Variants in CSTPP1 observed in about 807,000 individuals in gnomAD.
The protein encoded by CSTPP1 is centriolar satellite-associated tubulin polyglutamylase complex regulator 1, also known as UPF0705 protein C11orf49.
chr11:47,162,965 A>C, the CSTPP1 span, among the ~76,000 whole-genome samples: 1 of 152,216 alleles, frequency 6.6e-6, no homozygotes, highest in African/African-American at 2.4e-5. Context: ...CAACTGCTTG[A>C]GCCCAGGAGT....
the CSTPP1 span, among the ~76,000 whole-genome samples, chr11:47,063,556 A>G: frequency 6.6e-6 from 1 of 152,216 alleles, no homozygotes; most frequent in Non-Finnish European, 1.5e-5. Flanking sequence ...TTCTAGATAC[A>G]TCAGATAAGT....
the CSTPP1 span, among the ~76,000 whole-genome samples, chr11:46,950,750 T>C: frequency 6.6e-6 from 1 of 152,088 alleles, no homozygotes; most frequent in African/African-American, 2.4e-5. Flanking sequence ...TAGCTGGGAT[T>C]ATAGGCGCCT....
At chr11:47,082,715 C>T in the CSTPP1 span, among the ~76,000 whole-genome samples, 1 of 152,076 alleles carries the variant, frequency 6.6e-6, no homozygotes, top group African/African-American at 2.4e-5. Context: ...AGTAACTCCC[C>T]TTTTTCCCCA....
At chr11:47,135,303 G>A in the CSTPP1 span, among the ~76,000 whole-genome samples, 2 of 152,038 alleles carry the variant, frequency 1.3e-5, no homozygotes, top group South Asian at 4.2e-4. Flanking sequence ...CTTTAACCCT[G>A]AGAAGTGTCA....
the CSTPP1 span, among the ~76,000 whole-genome samples, chr11:47,152,327 C>T: frequency 2.0e-5 from 3 of 152,130 alleles, no homozygotes; most frequent in African/African-American, 7.2e-5. Context: ...CCTACCCTCC[C>T]ACGGTGTGCG....
At chr11:47,055,623 C>T in the CSTPP1 span, among the ~76,000 whole-genome samples, 1 of 152,060 alleles carries the variant, frequency 6.6e-6, no homozygotes, top group African/African-American at 2.4e-5. Context: ...ATTATTGTGC[C>T]CATTTTGTAA....
the CSTPP1 span, chr11:47,137,179 C>G: frequency 1.1e-6 from 1 of 891,636 alleles, no homozygotes; most frequent in South Asian, 1.6e-5. Context: ...TACTCTTCTC[C>G]CTACACAGCA....
At chr11:46,953,539 C>G in the CSTPP1 span, among the ~76,000 whole-genome samples, 1 of 152,108 alleles carries the variant, frequency 6.6e-6, no homozygotes, top group Non-Finnish European at 1.5e-5. Flanking sequence ...ATCCAGAAGG[C>G]ACTGTTTGTG....
chr11:46,954,973 G>T, the CSTPP1 span, among the ~76,000 whole-genome samples: 1 of 152,102 alleles, frequency 6.6e-6, no homozygotes, highest in African/African-American at 2.4e-5. Context: ...CAGTGATGGG[G>T]TCACCAAAGC....
At chr11:46,990,509 T>G in the CSTPP1 span, among the ~76,000 whole-genome samples, 2 of 152,322 alleles carry the variant, frequency 1.3e-5, no homozygotes, top group South Asian at 4.1e-4. Context: ...TTTTTGCTTC[T>G]TAAGTTCCTT....
the CSTPP1 span, among the ~76,000 whole-genome samples, chr11:47,033,381 T>A: frequency 1.3e-3 from 204 of 152,314 alleles, no homozygotes; most frequent in African/African-American, 4.2e-3. Flanking sequence ...TTCTGCCAGA[T>A]GGTCTAATGT....
At chr11:46,949,106 T>C in the CSTPP1 span, among the ~76,000 whole-genome samples, 4 of 151,782 alleles carry the variant, frequency 2.6e-5, no homozygotes, top group Non-Finnish European at 4.4e-5. Context: ...GAGTTCCTTA[T>C]AGGGAAGGTA....
At chr11:47,011,650 T>G in the CSTPP1 span, among the ~76,000 whole-genome samples, 24 of 152,368 alleles carry the variant, frequency 1.6e-4, 1 homozygote, top group Admixed American at 1.5e-3. Flanking sequence ...TTCCAAGAAC[T>G]ACGACTGGCT....
At chr11:47,100,888 A>G in the CSTPP1 span, among the ~76,000 whole-genome samples, 2 of 152,138 alleles carry the variant, frequency 1.3e-5, no homozygotes, top group Non-Finnish European at 2.9e-5. Flanking sequence ...TTTTTAATAG[A>G]ATAGATTTTC....
At chr11:46,976,943 G>A in the CSTPP1 span, among the ~76,000 whole-genome samples, 2 of 152,154 alleles carry the variant, frequency 1.3e-5, no homozygotes, top group South Asian at 2.1e-4. Flanking sequence ...ATTGAAATCC[G>A]TATTGTTCAA....
chr11:47,040,887 A>G, the CSTPP1 span: 1 of 130,332 alleles, frequency 7.7e-6, no homozygotes, highest in African/African-American at 2.5e-5. Flanking sequence ...TGCATCTACC[A>G]TACACCTGCT....
chr11:47,122,524 T>G, the CSTPP1 span, among the ~76,000 whole-genome samples: 1 of 152,164 alleles, frequency 6.6e-6, no homozygotes, highest in Non-Finnish European at 1.5e-5. Flanking sequence ...AAGATACAAT[T>G]TATATACCAT....
chr11:46,990,734 T>G, the CSTPP1 span, among the ~76,000 whole-genome samples: 18 of 152,190 alleles, frequency 1.2e-4, no homozygotes, highest in African/African-American at 4.1e-4. Flanking sequence ...ATTTCCTAGG[T>G]TTTCTTCTAG....
the CSTPP1 span, among the ~76,000 whole-genome samples, chr11:46,946,714 C>T: frequency 6.6e-6 from 1 of 152,156 alleles, no homozygotes; most frequent in South Asian, 2.1e-4. Flanking sequence ...GATCCATTAT[C>T]CTATTTCTGG....
Sources: gnomAD v4.1 joint callset for allele counts (sites outside exome capture counted in the v4.1 genomes callset) on GRCh38, gnomAD v4.1.1 for gene constraint, MANE v1.5 for transcripts, NCBI Gene and HGNC (gene_info 2026-07-23, HGNC 2026-07-21) for gene names.